Variants in TPTE observed in about 807,000 individuals in gnomAD.
TPTE encodes putative tyrosine-protein phosphatase TPTE.
TPTE carries 59 observed loss-of-function variants against 84.1 expected under a neutral mutation model. That is an observed-to-expected ratio of 0.70 (90% confidence interval 0.57 to 0.87). TPTE has a LOEUF of 0.87. Ranked by LOEUF, TPTE falls within the 40% of genes least tolerant of loss-of-function variation. The probability of loss-of-function intolerance (pLI) is 0.00; values close to 1 mark genes in which losing one functional copy is unlikely to be tolerated. For synonymous variants in TPTE, 130 were observed against 223.5 expected (o/e 0.58, Z 3.73); for missense variants, 382 against 659.6 (o/e 0.58, Z 4.61).
chr21:10,534,453 T>A (rs939618253), intron 3 of TPTE, among the ~76,000 whole-genome samples: 2 of 152,308 alleles, frequency 1.3e-5, no homozygotes, highest in African/African-American at 4.8e-5. Flanking sequence ...TTTGTTTGTT[T>A]TGTTTTTTTT....
intron 17 of TPTE, among the ~76,000 whole-genome samples, chr21:10,584,701 ACACGAT>A (rs2075331396): frequency 6.6e-6 from 1 of 152,308 alleles, no homozygotes; most frequent in Non-Finnish European, 1.5e-5. Context: ...ATTTTATGGT[ACACGAT>A]TACATCATAT....
At chr21:10,546,136 C>T (rs796653179) in intron 7 of TPTE, among the ~76,000 whole-genome samples, 7 of 152,422 alleles carry the variant, frequency 4.6e-5, no homozygotes, top group Admixed American at 1.3e-4. Flanking sequence ...TTTCCAACAG[C>T]GTGTTCTCAC....
At chr21:10,532,763 A>G (rs529618713) in intron 3 of TPTE, among the ~76,000 whole-genome samples, 1 of 152,420 alleles carries the variant, frequency 6.6e-6, no homozygotes, top group Admixed American at 6.5e-5. Flanking sequence ...GTAATGTGTA[A>G]TTTAGTTTCA....
At chr21:10,587,698 T>C (rs1411035823) in intron 17 of TPTE, among the ~76,000 whole-genome samples, 1 of 152,304 alleles carries the variant, frequency 6.6e-6, no homozygotes, top group Non-Finnish European at 1.5e-5. Flanking sequence ...TACAAGCGCC[T>C]GCCACCACAC....
chr21:10,578,938 A>T (rs2075218377), intron 17 of TPTE, among the ~76,000 whole-genome samples: 1 of 152,312 alleles, frequency 6.6e-6, no homozygotes, highest in Non-Finnish European at 1.5e-5. Flanking sequence ...ATTTTAGAAT[A>T]TCAGAGTACT....
At chr21:10,580,143 T>C (rs1331221651) in intron 17 of TPTE, among the ~76,000 whole-genome samples, 1 of 152,310 alleles carries the variant, frequency 6.6e-6, no homozygotes, top group African/African-American at 2.4e-5. Flanking sequence ...TCTTGGCCAT[T>C]TGTGTGTCTT....
chr21:10,586,640 T>C (rs1430321600), intron 17 of TPTE, among the ~76,000 whole-genome samples: 2 of 152,292 alleles, frequency 1.3e-5, no homozygotes, highest in Admixed American at 1.3e-4. Flanking sequence ...TATAATTCTT[T>C]CCTTCTCACC....
At chr21:10,588,193 G>C (rs1600962585) in intron 17 of TPTE, among the ~76,000 whole-genome samples, 1 of 149,922 alleles carries the variant, frequency 6.7e-6, no homozygotes, top group African/African-American at 2.5e-5. Context: ...CTAGTTTCTT[G>C]AGTGTTTTTT....
chr21:10,580,496 G>A (rs1270347641), intron 17 of TPTE, among the ~76,000 whole-genome samples: 3 of 152,306 alleles, frequency 2.0e-5, no homozygotes, highest in African/African-American at 7.2e-5. Flanking sequence ...ATGTTTCACA[G>A]TTAAGCATTT....
rs879729837 is a variant in TPTE, at chr21:10,536,612, C to A, written c.-43-2069C>A. ...GAGAAAGAGAAAAGAGAGAGAGAAT[C>A]GACAGAGAGAAAGATGAAGATTATG... On this transcript the variant is annotated intron_variant, in intron 3 of 23. Transcript: ENST00000618007. 2.0e-5 allele frequency among the ~76,000 whole-genome samples: 3 copies of A among 152,412 alleles called. No individual in the cohort carries two copies. The South Asian group carries it at 6.2e-4, about 32-fold the overall frequency.
intron 8 of TPTE, among the ~76,000 whole-genome samples, chr21:10,558,704 C>T (rs1479352118): frequency 6.6e-6 from 1 of 151,000 alleles, no homozygotes. Flanking sequence ...GTGTTGGAGG[C>T]TTCAGTATGA....
intron 7 of TPTE, among the ~76,000 whole-genome samples, chr21:10,549,207 G>C (rs913393453): frequency 6.6e-6 from 1 of 152,308 alleles, no homozygotes; most frequent in African/African-American, 2.4e-5. Flanking sequence ...TGACATCCAA[G>C]ACCCATTCAT....
At chr21:10,576,850 T>C (rs1165688238) in intron 14 of TPTE, among the ~76,000 whole-genome samples, 859 of 29,020 alleles carry the variant, frequency 0.03, no homozygotes, top group African/African-American at 0.19. Flanking sequence ...TATATATATA[T>C]ATATATATAT....
chr21:10,578,263 T>C (rs2075200882), intron 15 of TPTE, 74 bp from the exon 16 acceptor site: 2 of 1,587,196 alleles, frequency 1.3e-6, no homozygotes, highest in South Asian at 1.1e-5. Flanking sequence ...ATAAGATATG[T>C]TAACTTATTC....
intron 1 of TPTE, among the ~76,000 whole-genome samples, chr21:10,524,053 C>T (rs1205018366): frequency 6.6e-6 from 1 of 152,308 alleles, no homozygotes; most frequent in Non-Finnish European, 1.5e-5. Context: ...ATTCCCCATT[C>T]TACAAGAATC....
At chr21:10,526,400 C>T (rs1433696504) in intron 2 of TPTE, among the ~76,000 whole-genome samples, 4 of 152,310 alleles carry the variant, frequency 2.6e-5, no homozygotes, top group Admixed American at 6.5e-5. Context: ...GGGAACTTTT[C>T]TTAAAGACAT....
chr21:10,567,274 C>A (rs1447153257), intron 10 of TPTE, among the ~76,000 whole-genome samples: 1 of 152,300 alleles, frequency 6.6e-6, no homozygotes, highest in African/African-American at 2.4e-5. Flanking sequence ...ACAGATTGAC[C>A]ATAGTCAACA....
Position 10,579,497 on chromosome 21 carries a change from TAAC to T in TPTE, c.1027+895_1027+897del, listed in dbSNP as rs377127476. Among the ~76,000 whole-genome samples the T allele has an allele frequency of 2.8e-3, 423 of 150,742 alleles. No homozygotes were observed. The East Asian group carries it at 0.035, about 12-fold the overall frequency. On this transcript the variant is annotated intron_variant, in intron 17 of 23. Transcript: ENST00000618007. ...AAGAACAAAACTCCATCTAAAAAAATAACAATAATCATAAAGTAAAAACCAACA... is the reference window on the plus strand; with the variant it reads ...AAGAACAAAACTCCATCTAAAAAAATAATAATCATAAAGTAAAAACCAACA...
intron 11 of TPTE, among the ~76,000 whole-genome samples, chr21:10,568,847 A>C (rs914763106): frequency 6.6e-6 from 1 of 152,312 alleles, no homozygotes; most frequent in African/African-American, 2.4e-5. Context: ...GAGAAGCACT[A>C]GTCCAGACCA....
Sources: gnomAD v4.1 joint callset for allele counts (sites outside exome capture counted in the v4.1 genomes callset) on GRCh38, gnomAD v4.1.1 for gene constraint, MANE v1.5 for transcripts, NCBI Gene and HGNC (gene_info 2026-07-23, HGNC 2026-07-21) for gene names.